SRPK3: variants seen among roughly 807,000 people sequenced by gnomAD.
SRPK3 encodes SRSF protein kinase 3, also known as SFRS protein kinase 3.
In SRPK3, 26 loss-of-function variants were observed where a neutral mutation model predicts 45.3. That is an observed-to-expected ratio of 0.57 (90% CI 0.42 to 0.80). The LOEUF is 0.80. Among genes scored for constraint, SRPK3 ranks in the 30% least tolerant of loss-of-function variants. The pLI is 0.00. For synonymous variants in SRPK3, 254 were observed against 226.6 expected, an observed-to-expected ratio of 1.12 and a Z score of -1.09; for missense variants, 536 against 514.5, an observed-to-expected ratio of 1.04 and a Z score of -0.40.
chrX:153,785,368 T>C lies in SRPK3; in HGVS notation c.1552T>C (p.Trp518Arg). ...GCGGCACATCCACAATCTCAAGCAC[T>C]GGGGCCTGTACGAGGTACTCATGGA... ...ELRHIHNLKH[W>R]GLYEVLMEKY... The change falls in exon 15 of 15, where the codon TGG becomes CGG. Residue 518 changes from tryptophan (W) to arginine (R), a missense_variant. Physicochemically the swap from Trp to Arg is moderately radical, Grantham distance 101. Coordinates refer to ENST00000370101, the MANE Select transcript of SRPK3 (RefSeq NM_014370.4). 1 of 1,209,454 alleles carries C rather than the reference T, an allele frequency of 8.3e-7. No individual in the cohort carries two copies. The highest frequency in any genetic ancestry group is 1.1e-6 in the Non-Finnish European group (1 of 894,019).
chrX:153,782,918 G>A (rs782613591), intron 6 of SRPK3, 35 bp from the exon 7 acceptor site: 17 of 1,193,785 alleles, frequency 1.4e-5, no homozygotes, highest in South Asian at 1.1e-4. Flanking sequence ...TGGCCTGGGC[G>A]GGAGTTGGAG....
rs1557067161 is a variant in SRPK3, at chrX:153,782,174, T to C, written c.441T>C (p.Ile147=). 2 of 1,210,864 alleles carry C rather than the reference T, an allele frequency of 1.7e-6. No individual in the cohort carries two copies. The highest frequency in any genetic ancestry group is 2.2e-6 in the Non-Finnish European group (2 of 895,083). The stretch of plus-strand genomic sequence containing the variant: ...AAAGAGAGACCATTGTCCAGCTCAT[T>C]GATGACTTCAGGATCTCAGGAGTCA... ...DPKRETIVQL[I]DDFRISGVNG... Residue 147 remains isoleucine (I), a synonymous_variant, in exon 5 of 15, where the codon ATT becomes ATC. Transcript: ENST00000370101.
rs2092070848 is a variant in SRPK3 at position 153,784,212 on chromosome X, C to G, written c.1146C>G (p.Ser382Arg). ...AGACCGGGGGCCTCCTGTCGCCTAG[C>G]AGTAAGTTGGGTGGCAAGTGGTGGG... The part of the protein sequence containing the change: ...QRETGGLLSP[S>R]TPFGASNLLV... Residue 382 changes from serine to arginine, a missense_variant and splice_region_variant, in exon 10 of 15, where the codon AGC (serine) becomes AGG (arginine). Physicochemically the swap from Ser to Arg is moderately radical, Grantham distance 110 (BLOSUM62 -1). Coordinates refer to ENST00000370101, the MANE Select transcript of SRPK3 (RefSeq NM_014370.4). 2 of 1,210,960 alleles carry G rather than the reference C, an allele frequency of 1.7e-6. No individual in the cohort carries two copies. The highest frequency in any genetic ancestry group is 1.1e-6 in the Non-Finnish European group (1 of 895,211).
rs376953554 is a variant in SRPK3 at position 153,781,211 on chromosome X, C to T, written c.60-5C>T. ...CATGCCCACTGCCACTCACCCCACC[C>T]GCAGCTCACAGGCCTCCTGCGGGCC... On this transcript the variant is annotated splice_region_variant and splice_polypyrimidine_tract_variant and intron_variant, in intron 1 of 14. Transcript: ENST00000370101. 2.5e-6 allele frequency: 3 copies of T among 1,205,906 alleles called. No homozygotes were observed. Among genetic ancestry groups the T allele is most frequent in the Non-Finnish European group, 2.2e-6 (2 of 893,020 alleles).
chrX:153,781,328 C>T lies in SRPK3; in HGVS notation c.172C>T (p.Pro58Ser), dbSNP rs979521388. 2 of 1,199,294 alleles carry T rather than the reference C, an allele frequency of 1.7e-6. No individual in the cohort carries two copies. Among genetic ancestry groups the T allele is most frequent in the Admixed American group, 2.2e-5 (1 of 44,820 alleles). Reference sequence around the variant, plus strand: ...CTCCGACGACGAGGAACAGGAAGACCCCAAAGACTACTGCAAGGGTGAGAC... The same window carrying T: ...CTCCGACGACGAGGAACAGGAAGACTCCAAAGACTACTGCAAGGGTGAGAC... ...LGSDDEEQED[P>S]KDYCKGGYHP... is the part of the protein sequence containing the mutation. Residue 58 changes from proline to serine, a missense_variant, in exon 2 of 15, where the codon CCC becomes TCC. Physicochemically the swap from Pro to Ser is moderately conservative, Grantham distance 74 (BLOSUM62 -1). Coordinates refer to ENST00000370101, the MANE Select transcript of SRPK3 (RefSeq NM_014370.4).
rs1006197209 is a variant in SRPK3 at position 153,782,266 on chromosome X, G to A, written c.475+58G>A. Reference sequence around the variant, plus strand: ...CAGCCAAGGGCCGGCAAATGGGGGGGCCCTCGCTGCTAGAGCCTGTCTGCA... The same window carrying A: ...CAGCCAAGGGCCGGCAAATGGGGGGACCCTCGCTGCTAGAGCCTGTCTGCA... On this transcript the variant is annotated intron_variant, in intron 5 of 14. Coordinates refer to ENST00000370101, the MANE Select transcript of SRPK3 (RefSeq NM_014370.4). 6.9e-6 allele frequency: 7 copies of A among 1,014,381 alleles called. No individual in the cohort carries two copies. The Admixed American group carries it at 8.8e-5, about 13-fold the overall frequency. 83.6% of individuals were successfully genotyped at this position (1,014,381 alleles called of 1,213,427 possible). A position where few individuals can be genotyped will look rare whatever the true frequency, so the allele number is the denominator to read the frequency against.
chrX:153,785,058 C>A (rs781889348), intron 13 of SRPK3, 23 bp from the exon 14 acceptor site: 13 of 1,211,449 alleles, frequency 1.1e-5, no homozygotes, highest in Non-Finnish European at 1.5e-5. Flanking sequence ...TGCCTGCCCC[C>A]AACCTCCTCT....
chrX:153,783,963 C>A lies in SRPK3; in HGVS notation c.908-11C>A. 1 of 1,197,802 alleles carries A rather than the reference C, an allele frequency of 8.3e-7. No homozygotes were observed. On this transcript the variant is annotated splice_polypyrimidine_tract_variant and intron_variant, in intron 9 of 14. Transcript: ENST00000370101. ...ATCTGCTCAGCAGCTGCCTCCACCC[C>A]GTCTCCCCAGACTCTGGCTTGAGAC... is the stretch of plus-strand genomic sequence containing the variant.
intron 4 of SRPK3, 40 bp downstream of exon 4, chrX:153,781,870 C>G (rs781801674): frequency 1.7e-5 from 20 of 1,191,765 alleles, no homozygotes; most frequent in Non-Finnish European, 2.0e-5. Context: ...TCCCCTGGAG[C>G]TGCCTGGGGC....
At chrX:153,782,900 G>A in intron 6 of SRPK3, 22 bp downstream of exon 6, 1 of 1,200,179 alleles carries the variant, frequency 8.3e-7, no homozygotes, top group Non-Finnish European at 1.1e-6. Flanking sequence ...CCACTGGGCT[G>A]CCCAGCCTGG....
In SRPK3 at chrX:153,784,991, A is replaced by G. The variant is rs2092077451; in HGVS notation, c.1414A>G (p.Ser472Gly). 1 of 1,210,115 alleles carries G rather than the reference A, an allele frequency of 8.3e-7. No homozygotes were observed. The highest frequency in any genetic ancestry group is 2.2e-5 in the Admixed American group (1 of 46,011). Residue 472 changes from serine (S) to glycine (G), a missense_variant, in exon 13 of 15, where the codon AGT becomes GGT. Ser to Gly is a moderately conservative substitution (Grantham distance 56). Coordinates refer to ENST00000370101, the MANE Select transcript of SRPK3 (RefSeq NM_014370.4). ...LFEPHSGEDY[S>G]RDEDHIAHIV... is the part of the protein sequence containing the mutation. Reference sequence around the variant, plus strand: ...CGAGCCGCATTCTGGAGAAGACTACAGTCGTGATGAGGGTAAGGGGTGAGG... The same window carrying G: ...CGAGCCGCATTCTGGAGAAGACTACGGTCGTGATGAGGGTAAGGGGTGAGG...
rs1557067642 is a variant in SRPK3 at position 153,783,239 on chromosome X, C to T, written c.762C>T (p.Pro254=). 7.5e-6 allele frequency: 9 copies of T among 1,192,652 alleles called. No individual in the cohort carries two copies. In the South Asian group the frequency reaches 1.5e-4, roughly 19 times the overall value. Residue 254 remains proline, a synonymous_variant, in exon 8 of 15, where the codon CCC becomes CCT. Coordinates refer to ENST00000370101, the MANE Select transcript of SRPK3 (RefSeq NM_014370.4). ...CTGCACTCCCAGTCAGCACTGCCCCCCAGGAGGTCTTGGTAAGTTGGGGGG... is the reference window on the plus strand; with the variant it reads ...CTGCACTCCCAGTCAGCACTGCCCCTCAGGAGGTCTTGGTAAGTTGGGGGG... ...PPSRSIVSTA[P]QEVLQTGKLS...
At chrX:153,783,619 C>T (rs1372210938) in intron 8 of SRPK3, 133 bp from the exon 9 acceptor site, 11 of 1,045,695 alleles carry the variant, frequency 1.1e-5, no homozygotes, top group East Asian at 3.1e-5. Context: ...GGGGCGCTGG[C>T]GCCACATTCT....
chrX:153,784,630 C>G, intron 11 of SRPK3, 120 bp from the exon 12 acceptor site: 1 of 917,526 alleles, frequency 1.1e-6, no homozygotes, highest in Admixed American at 2.5e-5. Context: ...CCTGGGGACC[C>G]CGAGGCTCAC....
At position 153,784,074 on chromosome X, in the gene SRPK3, C is replaced by A; in HGVS notation, c.1008C>A (p.Pro336=). The A allele has an allele frequency of 1.7e-6, 2 of 1,210,389 alleles. No homozygotes were observed. The highest frequency in any genetic ancestry group is 2.2e-6 in the Non-Finnish European group (2 of 895,153). Residue 336 remains proline (P), a synonymous_variant, in exon 10 of 15, where the codon CCC becomes CCA. Transcript: ENST00000370101. ...RAGPSPASSS[P]APGGGRSLSA... ...GTCCCTCCCCAGCCTCTTCCTCCCC[C>A]GCCCCAGGGGGCGGCCGTAGCCTCA...
chrX:153,784,551 C>G (rs1360644371), intron 11 of SRPK3, among the ~76,000 whole-genome samples, 157 bp downstream of exon 11: 1 of 112,886 alleles, frequency 8.9e-6, no homozygotes, highest in Non-Finnish European at 1.9e-5. Flanking sequence ...GGGCCATGGC[C>G]AAGGGCAGGG....
At chrX:153,782,272 G>A (rs1349863872) in intron 5 of SRPK3, 64 bp downstream of exon 5, 14 of 985,797 alleles carry the variant, frequency 1.4e-5, no homozygotes, top group Admixed American at 4.4e-5. Context: ...GGGGGCCCTC[G>A]CTGCTAGAGC....
chrX:153,781,999 G>A, intron 4 of SRPK3, 122 bp from the exon 5 acceptor site: 1 of 868,937 alleles, frequency 1.2e-6, no homozygotes, highest in Non-Finnish European at 1.7e-6. Context: ...GCGAGGGACA[G>A]GAGGGGTTGG....
chrX:153,785,568 C>T lies in SRPK3; in HGVS notation c.*48C>T, dbSNP rs782387802. On this transcript the variant is annotated 3_prime_UTR_variant, in exon 15 of 15. Transcript: ENST00000370101. ...AGCTCTCCGTGCCTTAAGGGAAAAG[C>T]GGGACAGCTCCCACCACCCTGCTGG... The T allele has an allele frequency of 2.6e-5, 30 of 1,165,534 alleles. No individual in the cohort carries two copies. The highest frequency in any genetic ancestry group is 1.5e-4 in the East Asian group (5 of 33,257).
Sources: allele counts gnomAD v4.1 joint callset (sites outside exome capture counted in the v4.1 genomes callset), GRCh38; gene constraint gnomAD v4.1.1; transcripts MANE v1.5; gene names NCBI Gene and HGNC (gene_info 2026-07-23, HGNC 2026-07-21).